SPNS3: variants seen among roughly 807,000 people sequenced by gnomAD.
SPNS3 encodes SPNS lysolipid transporter 3, sphingosine-1-phosphate (putative).
SPNS3 carries 51 observed loss-of-function variants against 54.4 expected under a neutral mutation model. The observed-to-expected ratio is 0.94, with a 90% CI of 0.75 to 1.18. SPNS3 has a LOEUF of 1.18. SPNS3 is among the 50% of genes most tolerant of loss of function. SPNS3 has a pLI of 0.00. For synonymous variants in SPNS3, 309 were observed against 294.7 expected, an observed-to-expected ratio of 1.05 and a Z score of -0.50; for missense variants, 669 against 677.4, an observed-to-expected ratio of 0.99 and a Z score of 0.14.
intron 1 of SPNS3, among the ~76,000 whole-genome samples, chr17:4,439,376 T>C (rs1415444357): frequency 6.6e-6 from 1 of 152,214 alleles, no homozygotes; most frequent in Non-Finnish European, 1.5e-5. Context: ...TCCGCCAGCC[T>C]TGGCCTCCCA....
intron 8 of SPNS3, among the ~76,000 whole-genome samples, chr17:4,478,173 T>C (rs1312374500): frequency 6.6e-6 from 1 of 151,924 alleles, no homozygotes; most frequent in African/African-American, 2.4e-5. Context: ...GGTTTTACCA[T>C]GTTGGCCAGG....
At position 4,486,703 on chromosome 17, in the gene SPNS3, A is replaced by C; in HGVS notation, c.1450+120A>C. On this transcript the variant is annotated intron_variant, in intron 11 of 11. Coordinates refer to ENST00000355530, the MANE Select transcript of SPNS3 (RefSeq NM_182538.5). This position sits in a 1 kb window ranked among gnomAD's most constrained non-coding sequence, Gnocchi z 5.5. Reference sequence around the variant, plus strand: ...TCATTCATCCAGAAATGCTTAGTACACCCCTGCTATGTACCAGGGAAGGTT... The same window carrying C: ...TCATTCATCCAGAAATGCTTAGTACCCCCCTGCTATGTACCAGGGAAGGTT... 1 of 1,059,710 alleles carries C rather than the reference A, an allele frequency of 9.4e-7. No homozygotes were observed. Among genetic ancestry groups the C allele is most frequent in the Non-Finnish European group, 1.3e-6 (1 of 755,270 alleles). The allele number at this position is 1,059,710 out of a possible 1,614,324, so 65.6% of individuals were successfully genotyped here. A position where few individuals can be genotyped will look rare whatever the true frequency, so the allele number is the denominator to read the frequency against.
chr17:4,483,599 C>T lies in SPNS3; in HGVS notation c.1180-2629C>T, dbSNP rs2144237477. 1 of 152,394 alleles carries T rather than the reference C, an allele frequency of 6.6e-6. No homozygotes were observed. Among genetic ancestry groups the T allele is most frequent in the East Asian group, 1.9e-4 (1 of 5,190 alleles). The allele number at this position is 152,394 out of a possible 1,614,324, so 9.4% of individuals were successfully genotyped here. A position where few individuals can be genotyped will look rare whatever the true frequency, so the allele number is the denominator to read the frequency against. ...TGGACCTTTCTGAACATTCAGGTTCCTCCCTCCAGGAAGCCTCACCTGCCT... is the reference window on the plus strand; with the variant it reads ...TGGACCTTTCTGAACATTCAGGTTCTTCCCTCCAGGAAGCCTCACCTGCCT... On this transcript the variant is annotated intron_variant, in intron 9 of 11. Coordinates refer to ENST00000355530, the MANE Select transcript of SPNS3 (RefSeq NM_182538.5). This position sits in a 1 kb window ranked among gnomAD's most constrained non-coding sequence, Gnocchi z 4.2.
chr17:4,434,035 G>C lies in SPNS3; in HGVS notation c.68G>C (p.Gly23Ala). The change falls in exon 1 of 12, where the codon GGG becomes GCG. Residue 23 changes from glycine (G) to alanine (A), a missense_variant. Coordinates refer to ENST00000355530, the MANE Select transcript of SPNS3 (RefSeq NM_182538.5). ...GPGGLQGQSP[G>A]PGRQCPPPIT... ...GGAGGTCTGCAGGGCCAGTCCCCAG[G>C]GCCAGGCAGGCAGTGTCCCCCTCCC... 6.2e-7 allele frequency: 1 copy of C among 1,607,438 alleles called. No homozygotes were observed. Among genetic ancestry groups the C allele is most frequent in the Non-Finnish European group, 8.5e-7 (1 of 1,176,958 alleles).
At chr17:4,438,565 C>A (rs1374877867) in intron 1 of SPNS3, among the ~76,000 whole-genome samples, 2 of 152,256 alleles carry the variant, frequency 1.3e-5, no homozygotes, top group African/African-American at 4.8e-5. Flanking sequence ...GGGAGACCCA[C>A]TTTCTCTCTC....
At chr17:4,468,975 CG>C (rs1971778100) in intron 8 of SPNS3, among the ~76,000 whole-genome samples, 1 of 151,716 alleles carries the variant, frequency 6.6e-6, no homozygotes, top group Non-Finnish European at 1.5e-5. Context: ...TTGGTAGAGA[CG>C]GGGGTTTCAC....
chr17:4,458,867 G>A (rs1464169384), intron 8 of SPNS3, among the ~76,000 whole-genome samples: 4 of 151,800 alleles, frequency 2.6e-5, no homozygotes, highest in Admixed American at 2.0e-4. Flanking sequence ...CAAAAGCCTC[G>A]CATGGCTCCC....
intron 1 of SPNS3, 138 bp from the exon 2 acceptor site, chr17:4,439,520 G>C (rs1211586793): frequency 4.5e-6 from 3 of 665,684 alleles, no homozygotes; most frequent in African/African-American, 3.6e-5. Context: ...GGGAGAGAGG[G>C]GGAGAGAACA....
chr17:4,448,173 G>T lies in SPNS3; in HGVS notation c.640G>T (p.Ala214Ser). Residue 214 changes from alanine to serine, a missense_variant, in exon 6 of 12, where the codon GCC becomes TCC. Transcript: ENST00000355530. ...WALRVMPCLE[A>S]VALILLILLV... ...TCCCCAGGTCATGCCCTGCCTGGAGGCCGTGGCCTTGATCCTGCTTATCCT... is the reference window on the plus strand; with the variant it reads ...TCCCCAGGTCATGCCCTGCCTGGAGTCCGTGGCCTTGATCCTGCTTATCCT... The T allele has an allele frequency of 6.3e-7, 1 of 1,599,220 alleles. No homozygotes were observed. The highest frequency in any genetic ancestry group is 8.5e-7 in the Non-Finnish European group (1 of 1,173,696).
intron 7 of SPNS3, among the ~76,000 whole-genome samples, chr17:4,452,428 G>A (rs894254124): frequency 6.6e-6 from 1 of 152,006 alleles, no homozygotes; most frequent in African/African-American, 2.4e-5. Context: ...GAGTAGAAGT[G>A]GCTCTAAAAG....
Position 4,448,144 on chromosome 17 carries a change from C to T in SPNS3, c.622-11C>T. On this transcript the variant is annotated splice_polypyrimidine_tract_variant and intron_variant, in intron 5 of 11. Transcript: ENST00000355530. Reference sequence around the variant, plus strand: ...TGCGGCCCTGAGCTTCCTGGGCCCTCCTGTCCCCAGGTCATGCCCTGCCTG... The same window carrying T: ...TGCGGCCCTGAGCTTCCTGGGCCCTTCTGTCCCCAGGTCATGCCCTGCCTG... The T allele has an allele frequency of 6.4e-7, 1 of 1,573,130 alleles. No individual in the cohort carries two copies. The highest frequency in any genetic ancestry group is 8.6e-7 in the Non-Finnish European group (1 of 1,164,058).
chr17:4,487,716 G>A lies in SPNS3; in HGVS notation c.1451-90G>A, dbSNP rs1597350552. The A allele has an allele frequency of 6.1e-6, 7 of 1,145,550 alleles. No homozygotes were observed. The East Asian group carries it at 1.2e-4, about 19-fold the overall frequency. 71.0% of individuals were successfully genotyped at this position (1,145,550 alleles called of 1,614,324 possible). ...TGTATTCTGCATTTGGGACAGAGAGGATTTCCTGACAGCCCGTGCCCAGGC... is the reference window on the plus strand; with the variant it reads ...TGTATTCTGCATTTGGGACAGAGAGAATTTCCTGACAGCCCGTGCCCAGGC... On this transcript the variant is annotated intron_variant, in intron 11 of 11. Coordinates refer to ENST00000355530, the MANE Select transcript of SPNS3 (RefSeq NM_182538.5).
rs147996821 is a variant in SPNS3, at chr17:4,472,015, C to T, written c.1114-6557C>T. On this transcript the variant is annotated intron_variant, in intron 8 of 11. Coordinates refer to ENST00000355530, the MANE Select transcript of SPNS3 (RefSeq NM_182538.5). ...CTGGGACTACAGGCGTGCTCCACGACGCCAGCCAATTTTTGTATTTTTTAG... is the reference window on the plus strand; with the variant it reads ...CTGGGACTACAGGCGTGCTCCACGATGCCAGCCAATTTTTGTATTTTTTAG... Among the ~76,000 whole-genome samples the T allele has an allele frequency of 3.3e-3, 503 of 152,036 alleles. 3 individuals carry two copies. Among genetic ancestry groups the T allele is most frequent in the African/African-American group, 0.011 (450 of 41,452 alleles).
intron 7 of SPNS3, among the ~76,000 whole-genome samples, chr17:4,452,322 T>A (rs1971188626): frequency 6.6e-6 from 1 of 152,056 alleles, no homozygotes; most frequent in Admixed American, 6.6e-5. Context: ...CCACCACAGA[T>A]CTCCTGCCAC....
At chr17:4,480,488 C>T (rs1460798153) in intron 9 of SPNS3, among the ~76,000 whole-genome samples, 1 of 152,240 alleles carries the variant, frequency 6.6e-6, no homozygotes, top group Non-Finnish European at 1.5e-5. Context: ...CAGAGCTGCA[C>T]CTGCCCCCAC....
At chr17:4,468,721 T>TTTCTTTCTTTCTTTCTTTCTTTC (rs1555531861) in intron 8 of SPNS3, among the ~76,000 whole-genome samples, 2 of 121,450 alleles carry the variant, frequency 1.6e-5, no homozygotes, top group South Asian at 3.0e-4. Context: ...TCTCTCTTTC[T>TTTCTTTCTTTCTTTCTTTCTTTC]TTTCTTTCTT....
intron 8 of SPNS3, among the ~76,000 whole-genome samples, chr17:4,467,444 G>A (rs559070702): frequency 6.6e-6 from 1 of 152,038 alleles, no homozygotes; most frequent in South Asian, 2.1e-4. Context: ...GATGATTACT[G>A]CACTGGAATG....
At chr17:4,450,206 G>A (rs1971120306) in intron 7 of SPNS3, among the ~76,000 whole-genome samples, 1 of 151,142 alleles carries the variant, frequency 6.6e-6, no homozygotes. Flanking sequence ...GGCGACACTC[G>A]TCCTCTGCTG....
At position 4,488,096 on chromosome 17, in the gene SPNS3, G is replaced by A. The variant is rs2144266613; in HGVS notation, c.*202G>A. On this transcript the variant is annotated 3_prime_UTR_variant, in exon 12 of 12. Transcript: ENST00000355530. ...CACTCTGCGTGGGAGGCCTGGGCCTGTGCCTGCATCCCGCTCAAGGCTGCC... is the reference window on the plus strand; with the variant it reads ...CACTCTGCGTGGGAGGCCTGGGCCTATGCCTGCATCCCGCTCAAGGCTGCC... 1.7e-6 allele frequency: 1 copy of A among 592,660 alleles called. No individual in the cohort carries two copies. The highest frequency in any genetic ancestry group is 3.0e-6 in the Non-Finnish European group (1 of 334,084). 36.7% of individuals were successfully genotyped at this position (592,660 alleles called of 1,614,324 possible).
Sources: allele counts gnomAD v4.1 joint callset (sites outside exome capture counted in the v4.1 genomes callset), GRCh38; gene constraint gnomAD v4.1.1; non-coding constraint Gnocchi (gnomAD v3.1); transcripts MANE v1.5; gene names NCBI Gene and HGNC (gene_info 2026-07-23, HGNC 2026-07-21).